The following BRIP1 variants were observed in gnomAD, a reference collection of about 807,000 sequenced individuals.
BRIP1 encodes the protein BRCA1 interacting DNA helicase 1, also known as Fanconi anemia group J protein.
BRIP1 carries 88 observed loss-of-function variants against 119.7 expected under a neutral mutation model. That is an observed-to-expected ratio of 0.74 (90% confidence interval 0.62 to 0.88). The LOEUF (loss-of-function observed/expected upper bound fraction) is 0.88. Ranked by LOEUF, BRIP1 falls within the 40% of genes least tolerant of loss-of-function variation. The pLI, the probability that BRIP1 is intolerant of heterozygous loss-of-function variation, is 0.00. For synonymous variants in BRIP1, 443 were observed against 496.5 expected (o/e 0.89, Z 1.43); for missense variants, 1,259 against 1,455.4 (o/e 0.87, Z 2.20).
chr17:61,697,852 A>T (rs1007331161), intron 17 of BRIP1, among the ~76,000 whole-genome samples: 1 of 151,504 alleles, frequency 6.6e-6, no homozygotes, highest in Admixed American at 6.6e-5. Flanking sequence ...GTCAGCCAGG[A>T]TGGAGTGCAG....
At position 61,793,781 on chromosome 17, in the gene BRIP1, A is replaced by G. The variant is rs1464601764; in HGVS notation, c.1341-52T>C. ...AACCAGTATCATCCTTACACACACT[A>G]TTTCAGCAGAACAAGAGAATCATCA... On this transcript the variant is annotated intron_variant, in intron 9 of 19. Coordinates refer to ENST00000259008, the MANE Select transcript of BRIP1 (RefSeq NM_032043.3). The surrounding 1 kb of genome is among the most constrained non-coding windows in gnomAD (Gnocchi z 5.2). 6.4e-7 allele frequency: 1 copy of G among 1,557,618 alleles called. No individual in the cohort carries two copies.
rs1406356024 is a variant in BRIP1 at position 61,751,720 on chromosome 17, T to C, written c.2098-7129A>G. On this transcript the variant is annotated intron_variant, in intron 14 of 19. Transcript: ENST00000259008. The surrounding 1 kb of genome is among the most constrained non-coding windows in gnomAD (Gnocchi z 6.7). ...AATATATATAACTTTAAAAAACTCATGAAACTAATACCTTTAGCTTTAGGG... is the reference window on the plus strand; with the variant it reads ...AATATATATAACTTTAAAAAACTCACGAAACTAATACCTTTAGCTTTAGGG... 6.6e-6 allele frequency among the ~76,000 whole-genome samples: 1 copy of C among 152,024 alleles called. No individual in the cohort carries two copies. Among genetic ancestry groups the C allele is most frequent in the Non-Finnish European group, 1.5e-5 (1 of 67,992 alleles).
intron 10 of BRIP1, among the ~76,000 whole-genome samples, chr17:61,786,768 T>A (rs868453566): frequency 2.3e-3 from 306 of 134,416 alleles, no homozygotes; most frequent in African/African-American, 7.4e-3. Flanking sequence ...ATTTTATATA[T>A]TATATATTTA....
intron 17 of BRIP1, among the ~76,000 whole-genome samples, chr17:61,694,631 T>G (rs2061496254): frequency 6.6e-6 from 1 of 152,012 alleles, no homozygotes; most frequent in Non-Finnish European, 1.5e-5. Flanking sequence ...CATTTTACAT[T>G]CCCACCACCT....
chr17:61,810,092 T>C lies in BRIP1; in HGVS notation c.628-1335A>G, dbSNP rs1339123718. Among the ~76,000 whole-genome samples the C allele has an allele frequency of 6.6e-6, 1 of 152,198 alleles. No homozygotes were observed. The highest frequency in any genetic ancestry group is 1.5e-5 in the Non-Finnish European group (1 of 68,026). On this transcript the variant is annotated intron_variant, in intron 6 of 19. Coordinates refer to ENST00000259008, the MANE Select transcript of BRIP1 (RefSeq NM_032043.3). The surrounding 1 kb of genome is among the most constrained non-coding windows in gnomAD (Gnocchi z 4.7). The stretch of plus-strand genomic sequence containing the variant: ...CAAATAAACAGTCAGTCAAAGCAGA[T>C]AAAGTTACAGCCATGCTGGAATTGT...
chr17:61,861,480 T>A lies in BRIP1; in HGVS notation c.60A>T (p.Lys20Asn), dbSNP rs2145864589. The A allele has an allele frequency of 6.2e-7, 1 of 1,613,380 alleles. No individual in the cohort carries two copies. The change falls in exon 2 of 20, where the codon AAA becomes AAT. Residue 20 changes from lysine to asparagine, a missense_variant. Around this residue, in one of 3 missense-constraint regions of BRIP1, gnomAD observed 501 missense variants for 544.0 expected, o/e 0.92. Transcript: ENST00000259008. The surrounding 1 kb of genome is among the most constrained non-coding windows in gnomAD (Gnocchi z 4.5). Reference sequence around the variant, plus strand: ...TCATAGCAAGCTGTGACGGGTAAGCTTTATAAGGAAAGTAAATCTTCACCC... The same window carrying A: ...TCATAGCAAGCTGTGACGGGTAAGCATTATAAGGAAAGTAAATCTTCACCC... ...IGGVKIYFPYKAYPSQLAMMN... is the reference protein window; with the variant it reads ...IGGVKIYFPYNAYPSQLAMMN...
At chr17:61,800,945 A>G (rs549441031) in intron 8 of BRIP1, among the ~76,000 whole-genome samples, 91 of 152,348 alleles carry the variant, frequency 6.0e-4, no homozygotes, top group African/African-American at 2.1e-3. Flanking sequence ...AAGTTCTTCA[A>G]AACATAGTTT....
chr17:61,697,891 C>T (rs998654901), intron 17 of BRIP1, among the ~76,000 whole-genome samples: 7 of 152,000 alleles, frequency 4.6e-5, no homozygotes, highest in African/African-American at 7.3e-5. Flanking sequence ...CTGAAACCTC[C>T]GCCCCCTGGG....
At chr17:61,711,104 A>T (rs1247099146) in intron 17 of BRIP1, among the ~76,000 whole-genome samples, 1 of 152,020 alleles carries the variant, frequency 6.6e-6, no homozygotes, top group Non-Finnish European at 1.5e-5. Flanking sequence ...CAAATAAAAC[A>T]TCAAGTAGCA....
intron 6 of BRIP1, among the ~76,000 whole-genome samples, chr17:61,830,651 T>A (rs1353066464): frequency 1.3e-5 from 2 of 152,194 alleles, no homozygotes; most frequent in African/African-American, 4.8e-5. Context: ...CTATACTCAT[T>A]TTTAAAATTA....
rs2077934658 is a variant in BRIP1, at chr17:61,798,383, T to C, written c.1340+717A>G. 6.6e-6 allele frequency among the ~76,000 whole-genome samples: 1 copy of C among 151,992 alleles called. No individual in the cohort carries two copies. The highest frequency in any genetic ancestry group is 6.6e-5 in the Admixed American group (1 of 15,234). On this transcript the variant is annotated intron_variant, in intron 9 of 19. Coordinates refer to ENST00000259008, the MANE Select transcript of BRIP1 (RefSeq NM_032043.3). This position sits in a 1 kb window ranked among gnomAD's most constrained non-coding sequence, Gnocchi z 5.5. ...TGGTTCATAAATGAGTAATATGCAT[T>C]GAATGATAAACTTGTTTAGGAGAAC... is the stretch of plus-strand genomic sequence containing the variant.
At position 61,845,219 on chromosome 17, in the gene BRIP1, T is replaced by C. The variant is rs1330897864; in HGVS notation, c.627+1882A>G. On this transcript the variant is annotated intron_variant, in intron 6 of 19. Coordinates refer to ENST00000259008, the MANE Select transcript of BRIP1 (RefSeq NM_032043.3). This position sits in a 1 kb window ranked among gnomAD's most constrained non-coding sequence, Gnocchi z 4.2. The stretch of plus-strand genomic sequence containing the variant: ...TACATAATTTCTCCAACTATTAATA[T>C]AAAGCTTCAGTGAAGATCACCAACA... Among the ~76,000 whole-genome samples, 7 of 152,298 alleles carry C rather than the reference T, an allele frequency of 4.6e-5. No individual in the cohort carries two copies. In the South Asian group the frequency reaches 1.2e-3, roughly 27 times the overall value.
chr17:61,766,284 G>A (rs924611708), intron 14 of BRIP1, among the ~76,000 whole-genome samples: 1 of 152,006 alleles, frequency 6.6e-6, no homozygotes, highest in Admixed American at 6.6e-5. Context: ...AATAAACAAA[G>A]GAACAAACAA....
intron 3 of BRIP1, among the ~76,000 whole-genome samples, chr17:61,859,237 T>A (rs1462432340): frequency 1.4e-5 from 2 of 145,816 alleles, no homozygotes; most frequent in African/African-American, 4.9e-5. Flanking sequence ...ATTAAAGGAT[T>A]TCCCCCCCCA....
chr17:61,832,398 C>A lies in BRIP1; in HGVS notation c.627+14703G>T, dbSNP rs1263479532. The stretch of plus-strand genomic sequence containing the variant: ...ATTTATATAATTTCAGAGTTCTTCC[C>A]CATAAAGTCCTCTTTTATAAAGGCA... On this transcript the variant is annotated intron_variant, in intron 6 of 19. Coordinates refer to ENST00000259008, the MANE Select transcript of BRIP1 (RefSeq NM_032043.3). The surrounding 1 kb of genome is among the most constrained non-coding windows in gnomAD (Gnocchi z 5.5). Among the ~76,000 whole-genome samples, 2 of 152,098 alleles carry A rather than the reference C, an allele frequency of 1.3e-5. No individual in the cohort carries two copies. Among genetic ancestry groups the A allele is most frequent in the East Asian group, 3.8e-4 (2 of 5,204 alleles).
At chr17:61,850,313 G>A (rs1286313643) in intron 4 of BRIP1, among the ~76,000 whole-genome samples, 1 of 151,658 alleles carries the variant, frequency 6.6e-6, no homozygotes, top group Non-Finnish European at 1.5e-5. Flanking sequence ...TGTTGGTCAG[G>A]CTGGTCTCGA....
At position 61,770,368 on chromosome 17, in the gene BRIP1, G is replaced by A. The variant is rs2077430592; in HGVS notation, c.2097+6033C>T. Among the ~76,000 whole-genome samples the A allele has an allele frequency of 6.6e-6, 1 of 152,140 alleles. No homozygotes were observed. On this transcript the variant is annotated intron_variant, in intron 14 of 19. Coordinates refer to ENST00000259008, the MANE Select transcript of BRIP1 (RefSeq NM_032043.3). This position sits in a 1 kb window ranked among gnomAD's most constrained non-coding sequence, Gnocchi z 4.7. ...TTCTATTTAAGAATAAGTTTTTAGGGACATTGGAGAGTAACTCAAGTCCAC... is the reference window on the plus strand; with the variant it reads ...TTCTATTTAAGAATAAGTTTTTAGGAACATTGGAGAGTAACTCAAGTCCAC...
rs2061889601 is a variant in BRIP1, at chr17:61,717,045, G to C, written c.2380-982C>G. On this transcript the variant is annotated intron_variant, in intron 16 of 19. Coordinates refer to ENST00000259008, the MANE Select transcript of BRIP1 (RefSeq NM_032043.3). The surrounding 1 kb of genome is among the most constrained non-coding windows in gnomAD (Gnocchi z 4.1). ...TAAACCCATAAAACATTTTGATTAT[G>C]CTTTAAACAGTACATTATCTTTTAA... Among the ~76,000 whole-genome samples the C allele has an allele frequency of 6.6e-6, 1 of 151,820 alleles. No individual in the cohort carries two copies. The highest frequency in any genetic ancestry group is 6.6e-5 in the Admixed American group (1 of 15,234).
In BRIP1 at chr17:61,853,929, T is replaced by C. The variant is rs565324048; in HGVS notation, c.379+3129A>G. Among the ~76,000 whole-genome samples, 2 of 152,124 alleles carry C rather than the reference T, an allele frequency of 1.3e-5. No homozygotes were observed. The highest frequency in any genetic ancestry group is 4.8e-5 in the African/African-American group (2 of 41,482). ...GATAGCTAATAAGAACATGAAAATA[T>C]GGGAAATAAAAATTAAAACCACAAT... On this transcript the variant is annotated intron_variant, in intron 4 of 19. Transcript: ENST00000259008. This position sits in a 1 kb window ranked among gnomAD's most constrained non-coding sequence, Gnocchi z 4.3.
Sources: allele counts gnomAD v4.1 joint callset (sites outside exome capture counted in the v4.1 genomes callset), GRCh38; gene constraint gnomAD v4.1.1; regional missense constraint gnomAD v4.1.1; non-coding constraint Gnocchi (gnomAD v3.1); transcripts MANE v1.5; gene names NCBI Gene and HGNC (gene_info 2026-07-23, HGNC 2026-07-21).